ATP2C2: variants seen among roughly 807,000 people sequenced by gnomAD.
ATP2C2 encodes the protein ATPase secretory pathway Ca2+ transporting 2.
Under a neutral mutation model 110.8 loss-of-function variants are expected in ATP2C2, and 171 were observed. The ratio of observed to expected loss-of-function variants is 1.54; its 90% CI spans 1.36 to 1.75. The LOEUF (loss-of-function observed/expected upper bound fraction) is 1.75. ATP2C2 is among the 40% of genes most tolerant of loss of function. ATP2C2 has a pLI of 0.00. For synonymous variants in ATP2C2, 804 were observed against 508.4 expected (o/e 1.58, Z -7.82); for missense variants, 1,963 against 1,235.0 (o/e 1.59, Z -8.84).
At chr16:84,425,239 G>A (rs760117877) in intron 10 of ATP2C2, among the ~76,000 whole-genome samples, 34 of 152,222 alleles carry the variant, frequency 2.2e-4, no homozygotes, top group Non-Finnish European at 2.2e-4. Context: ...TCCGTGTCTC[G>A]TACACCTAGT....
At chr16:84,421,666 A>G (rs1363361957) in intron 7 of ATP2C2, among the ~76,000 whole-genome samples, 1 of 152,180 alleles carries the variant, frequency 6.6e-6, no homozygotes, top group Admixed American at 6.5e-5. Flanking sequence ...GCGGTTTTGC[A>G]AGATGGTTAA....
chr16:84,462,370 C>T (rs1417513564), intron 26 of ATP2C2: 2 of 470,668 alleles, frequency 4.2e-6, no homozygotes, highest in African/African-American at 1.9e-5. Context: ...GGGTCTGGGG[C>T]CCAAGGGGCA....
intron 7 of ATP2C2, among the ~76,000 whole-genome samples, chr16:84,420,472 CTT>C (rs35715518): frequency 1.1e-4 from 11 of 95,744 alleles, no homozygotes; most frequent in African/African-American, 1.6e-4. Context: ...CCCTTTCTTT[CTT>C]TTTTTTTTTT....
chr16:84,436,557 C>T (rs534158268), intron 11 of ATP2C2, among the ~76,000 whole-genome samples: 11 of 152,274 alleles, frequency 7.2e-5, no homozygotes, highest in African/African-American at 2.6e-4. Flanking sequence ...ACAGAAACTC[C>T]TCATCACTTC....
chr16:84,396,816 T>G (rs1047408406), intron 1 of ATP2C2, among the ~76,000 whole-genome samples: 1 of 151,948 alleles, frequency 6.6e-6, no homozygotes, highest in Non-Finnish European at 1.5e-5. Flanking sequence ...TCCCAATGGA[T>G]GGCTAAGCCT....
intron 10 of ATP2C2, among the ~76,000 whole-genome samples, chr16:84,424,574 GGCTTTTTT>G (rs1567714541): frequency 1.4e-5 from 1 of 74,010 alleles, no homozygotes; most frequent in African/African-American, 7.3e-5. Flanking sequence ...CACCGCACTG[GGCTTTTTT>G]TTTTTTTTTT....
chr16:84,399,500 A>G (rs376420099), intron 2 of ATP2C2, among the ~76,000 whole-genome samples: 4 of 152,382 alleles, frequency 2.6e-5, no homozygotes. Context: ...TGTTGCGACC[A>G]GAACAACAAA....
intron 11 of ATP2C2, among the ~76,000 whole-genome samples, chr16:84,436,554 C>G (rs1474384958): frequency 6.6e-6 from 1 of 152,140 alleles, no homozygotes; most frequent in Non-Finnish European, 1.5e-5. Context: ...ATAACAGAAA[C>G]TCCTCATCAC....
At chr16:84,440,771 G>T in intron 13 of ATP2C2, 86 bp from the exon 14 acceptor site, 1 of 972,186 alleles carries the variant, frequency 1.0e-6, no homozygotes, top group Non-Finnish European at 1.6e-6. Flanking sequence ...TCCCTGGAAT[G>T]GATCCCCAGG....
At chr16:84,459,875 G>T (rs936746154) in intron 23 of ATP2C2, 3 of 357,768 alleles carry the variant, frequency 8.4e-6, no homozygotes, top group South Asian at 5.8e-5. Context: ...AGAGATAAAG[G>T]GCTTGCCACT....
chr16:84,376,099 G>T (rs1910233322), intron 1 of ATP2C2, among the ~76,000 whole-genome samples: 2 of 152,196 alleles, frequency 1.3e-5, no homozygotes, highest in Non-Finnish European at 2.9e-5. Context: ...AGGTGGATGG[G>T]ACAGGGGTCT....
intron 1 of ATP2C2, 112 bp downstream of exon 1, chr16:84,368,826 T>G: frequency 1.1e-6 from 1 of 905,336 alleles, no homozygotes; most frequent in South Asian, 1.6e-5. Flanking sequence ...GAACTCGCCC[T>G]CCTCCCCTGG....
In ATP2C2 at chr16:84,459,336, C is replaced by T. The variant is rs369232916; in HGVS notation, c.2283C>T (p.Ala761=). ...TVFNLPSPLN[A]MQILWINIIM... Reference sequence around the variant, plus strand: ...TCAACCTGCCCAGCCCCCTCAACGCCATGCAGATCCTATGGATCAACATCA... The same window carrying T: ...TCAACCTGCCCAGCCCCCTCAACGCTATGCAGATCCTATGGATCAACATCA... Residue 761 remains alanine (A), a synonymous_variant, in exon 23 of 27, where the codon GCC becomes GCT. Transcript: ENST00000262429. 1 of 1,614,220 alleles carries T rather than the reference C, an allele frequency of 6.2e-7. No homozygotes were observed. Among genetic ancestry groups the T allele is most frequent in the Non-Finnish European group, 8.5e-7 (1 of 1,180,038 alleles).
At chr16:84,409,973 G>A (rs1245608501) in intron 4 of ATP2C2, among the ~76,000 whole-genome samples, 4 of 152,132 alleles carry the variant, frequency 2.6e-5, no homozygotes, top group Non-Finnish European at 5.9e-5. Flanking sequence ...ACTTTGGGAG[G>A]CCTGGGGGGT....
In ATP2C2 at chr16:84,425,760, G is replaced by T. The variant is rs1352805888; in HGVS notation, c.945G>T (p.Ser315=). The T allele has an allele frequency of 1.2e-6, 2 of 1,614,000 alleles. No homozygotes were observed. Among genetic ancestry groups the T allele is most frequent in the African/African-American group, 1.3e-5 (1 of 74,878 alleles). The change falls in exon 11 of 27, where the codon TCG becomes TCT. Residue 315 remains serine (S), a synonymous_variant. Coordinates refer to ENST00000262429, the MANE Select transcript of ATP2C2 (RefSeq NM_014861.4). Reference sequence around the variant, plus strand: ...GTCTCATCATGCTCATTGGCTGGTCGCAAGGGAAACAACTCCTGAGTATGT... The same window carrying T: ...GTCTCATCATGCTCATTGGCTGGTCTCAAGGGAAACAACTCCTGAGTATGT... The part of the protein sequence containing the change: ...IIGLIMLIGW[S]QGKQLLSMFT...
chr16:84,397,699 A>C (rs1277027071), intron 1 of ATP2C2, among the ~76,000 whole-genome samples: 1 of 148,702 alleles, frequency 6.7e-6, no homozygotes, highest in Non-Finnish European at 1.5e-5. Flanking sequence ...ATGCATCAGT[A>C]TTAGCCAACA....
At chr16:84,455,024 C>T (rs775192239) in intron 21 of ATP2C2, 40 bp downstream of exon 21, 7 of 1,598,050 alleles carry the variant, frequency 4.4e-6, no homozygotes, top group Non-Finnish European at 6.0e-6. Flanking sequence ...TGCAAAAATG[C>T]CTGGGGTCAC....
chr16:84,447,791 AAAT>A lies in ATP2C2; in HGVS notation c.1504-737_1504-735del, dbSNP rs1360651667. 4.8e-5 allele frequency among the ~76,000 whole-genome samples: 7 copies of A among 145,070 alleles called. No individual in the cohort carries two copies. In the East Asian group the frequency reaches 5.8e-4, roughly 12 times the overall value. Reference sequence around the variant, plus strand: ...TAATATAATGTAATATAATACATATAAATAATATACAATACATATGTACTATAA... The same window carrying A: ...TAATATAATGTAATATAATACATATAAATATACAATACATATGTACTATAA... On this transcript the variant is annotated intron_variant, in intron 16 of 26. Coordinates refer to ENST00000262429, the MANE Select transcript of ATP2C2 (RefSeq NM_014861.4).
intron 13 of ATP2C2, among the ~76,000 whole-genome samples, chr16:84,440,579 T>G (rs1909154140): frequency 6.6e-6 from 1 of 152,246 alleles, no homozygotes; most frequent in Non-Finnish European, 1.5e-5. Flanking sequence ...AGAAGCACTC[T>G]TCTATGCTAG....
Sources: allele counts gnomAD v4.1 joint callset (sites outside exome capture counted in the v4.1 genomes callset), GRCh38; gene constraint gnomAD v4.1.1; transcripts MANE v1.5; gene names NCBI Gene and HGNC (gene_info 2026-07-23, HGNC 2026-07-21).